KLHL14: variants seen among roughly 807,000 people sequenced by gnomAD.
The protein encoded by KLHL14 is kelch-like protein 14.
A neutral mutation model predicts 64.3 loss-of-function variants in KLHL14; 22 were observed. That is an observed-to-expected ratio of 0.34 (90% CI 0.24 to 0.49). The LOEUF is 0.49. Among genes scored for constraint, KLHL14 ranks in the 20% least tolerant of loss-of-function variants. The pLI is 0.99. For missense variants in KLHL14, 661 were observed against 789.0 expected, an observed-to-expected ratio of 0.84 and a Z score of 1.94; for synonymous variants, 322 against 333.4, an observed-to-expected ratio of 0.97 and a Z score of 0.37.
At position 32,770,075 on chromosome 18, in the gene KLHL14, AG is replaced by A; in HGVS notation, c.516del (p.Cys173AlafsTer89). On this transcript the variant is annotated frameshift_variant, in exon 2 of 9. Transcript: ENST00000359358. LOFTEE classifies it high-confidence loss of function. This position sits in a 1 kb window ranked among gnomAD's most constrained non-coding sequence, Gnocchi z 6.7. ...ATCTGGTCGTTGAGGAACTGCACGC[AG>A]AGCTTGGTGACCTGGGGGATGTGCA... ...KILHIPQVTK[L>X]CVQFLNDQIS... 6 of 1,614,130 alleles carry A rather than the reference AG, an allele frequency of 3.7e-6. No individual in the cohort carries two copies. The highest frequency in any genetic ancestry group is 5.1e-6 in the Non-Finnish European group (6 of 1,180,018).
chr18:32,732,435 C>T (rs1287282908), intron 3 of KLHL14, among the ~76,000 whole-genome samples: 2 of 152,156 alleles, frequency 1.3e-5, no homozygotes, highest in Non-Finnish European at 2.9e-5. Flanking sequence ...CTGTTGTAAA[C>T]ATTAGGGGCT....
chr18:32,695,821 A>T (rs896132314), intron 3 of KLHL14, among the ~76,000 whole-genome samples: 1 of 152,130 alleles, frequency 6.6e-6, no homozygotes, highest in Non-Finnish European at 1.5e-5. Flanking sequence ...ACAACCTGTC[A>T]TGCTGCTTTC....
intron 3 of KLHL14, chr18:32,741,040 G>GA (rs1185509618): frequency 3.3e-5 from 5 of 152,188 alleles, no homozygotes; most frequent in African/African-American, 1.2e-4. Flanking sequence ...CATGCAATAA[G>GA]AAAATCTAAC....
chr18:32,740,181 G>C (rs1170199879), intron 3 of KLHL14, among the ~76,000 whole-genome samples: 1 of 152,120 alleles, frequency 6.6e-6, no homozygotes, highest in Admixed American at 6.6e-5. Context: ...CTTGAAGTAA[G>C]GTGACCATAT....
intron 2 of KLHL14, among the ~76,000 whole-genome samples, chr18:32,755,194 G>A (rs766787481): frequency 8.6e-4 from 130 of 152,012 alleles, no homozygotes; most frequent in Non-Finnish European, 1.5e-3. Context: ...GGAGGGCTCC[G>A]TGGTGTCTAG....
At position 32,719,042 on chromosome 18, in the gene KLHL14, G is replaced by A. The variant is rs564829287; in HGVS notation, c.1069+22886C>T. 5.3e-3 allele frequency among the ~76,000 whole-genome samples: 807 copies of A among 152,208 alleles called. 5 individuals are homozygous for A. The highest frequency in any genetic ancestry group is 0.018 in the African/African-American group (760 of 41,536). ...TGGCTCACCACAACCTCTGCCTCCC[G>A]AGTTCAAGTGATTCTCCTGCCTCAG... On this transcript the variant is annotated intron_variant, in intron 3 of 8. Transcript: ENST00000359358.
intron 2 of KLHL14, among the ~76,000 whole-genome samples, chr18:32,756,204 C>G (rs1221061966): frequency 2.0e-5 from 3 of 152,136 alleles, no homozygotes; most frequent in African/African-American, 4.8e-5. Context: ...GAAGAAACAC[C>G]AGATCTTCCT....
At chr18:32,705,700 G>A (rs1267823466) in intron 3 of KLHL14, among the ~76,000 whole-genome samples, 1 of 152,216 alleles carries the variant, frequency 6.6e-6, no homozygotes, top group Non-Finnish European at 1.5e-5. Flanking sequence ...TCTAGCCTGG[G>A]TGACAGAGCA....
At chr18:32,769,574 C>T in intron 2 of KLHL14, 71 bp downstream of exon 2, 1 of 313,342 alleles carries the variant, frequency 3.2e-6, no homozygotes, top group Non-Finnish European at 6.1e-6. Flanking sequence ...CTCCTCCCTG[C>T]CCCCTCCCCT....
intron 2 of KLHL14, among the ~76,000 whole-genome samples, chr18:32,761,430 C>CA (rs1568085194): frequency 7.3e-6 from 1 of 136,506 alleles, no homozygotes; most frequent in Non-Finnish European, 1.5e-5. Context: ...TGGAAGGTGC[C>CA]AAGCTCTTTT....
intron 3 of KLHL14, among the ~76,000 whole-genome samples, chr18:32,702,806 C>A (rs1346603671): frequency 2.0e-5 from 3 of 152,144 alleles, no homozygotes; most frequent in Non-Finnish European, 2.9e-5. Context: ...AGGTGGCCAG[C>A]ACTTTCTCCC....
intron 3 of KLHL14, among the ~76,000 whole-genome samples, chr18:32,721,933 C>T (rs1483426747): frequency 6.6e-6 from 1 of 152,102 alleles, no homozygotes; most frequent in African/African-American, 2.4e-5. Flanking sequence ...CCAAATCTCA[C>T]CTTAAATTGT....
chr18:32,677,084 AC>A lies in KLHL14; in HGVS notation c.1746+88del. 2.3e-6 allele frequency: 3 copies of A among 1,324,230 alleles called. No homozygotes were observed. The South Asian group carries it at 4.1e-5, about 18-fold the overall frequency. 82.0% of individuals were successfully genotyped at this position (1,324,230 alleles called of 1,614,324 possible). The stretch of plus-strand genomic sequence containing the variant: ...TGTAAGTATGATACTCTTAAAAGGT[AC>A]ATGTGTGGAGGATAACACATTTGGA... On this transcript the variant is annotated intron_variant, in intron 8 of 8. Coordinates refer to ENST00000359358, the MANE Select transcript of KLHL14 (RefSeq NM_020805.3).
At chr18:32,763,189 A>G (rs2050323691) in intron 2 of KLHL14, among the ~76,000 whole-genome samples, 2 of 140,984 alleles carry the variant, frequency 1.4e-5, no homozygotes, top group South Asian at 4.6e-4. Flanking sequence ...GGCTCATTCT[A>G]TTTTTAGTAA....
At chr18:32,715,566 T>C (rs1479180273) in intron 3 of KLHL14, among the ~76,000 whole-genome samples, 1 of 152,156 alleles carries the variant, frequency 6.6e-6, no homozygotes, top group Non-Finnish European at 1.5e-5. Context: ...CTTTTTTATA[T>C]AATAAATTGT....
chr18:32,693,530 A>G (rs1021929985), intron 4 of KLHL14, among the ~76,000 whole-genome samples: 3 of 152,068 alleles, frequency 2.0e-5, no homozygotes, highest in Non-Finnish European at 4.4e-5. Context: ...AATTCTGTGC[A>G]TCCTAGTGGT....
At chr18:32,699,787 A>C (rs1032800422) in intron 3 of KLHL14, among the ~76,000 whole-genome samples, 4 of 152,182 alleles carry the variant, frequency 2.6e-5, no homozygotes, top group African/African-American at 9.6e-5. Context: ...TAAAGCAAGA[A>C]GACATTCCTT....
intron 2 of KLHL14, among the ~76,000 whole-genome samples, chr18:32,767,002 A>G (rs2050349491): frequency 6.6e-6 from 1 of 152,134 alleles, no homozygotes; most frequent in Non-Finnish European, 1.5e-5. Context: ...AGACTGGTCA[A>G]TTTTACATTT....
intron 2 of KLHL14, 36 bp downstream of exon 2, chr18:32,769,609 C>T: frequency 9.7e-7 from 1 of 1,026,870 alleles, no homozygotes; most frequent in Non-Finnish European, 1.4e-6. Context: ...TGGCTCTACC[C>T]CCCCCTCCCC....
Sources: allele counts gnomAD v4.1 joint callset (sites outside exome capture counted in the v4.1 genomes callset), GRCh38; gene constraint gnomAD v4.1.1; non-coding constraint Gnocchi (gnomAD v3.1); transcripts MANE v1.5; gene names NCBI Gene and HGNC (gene_info 2026-07-23, HGNC 2026-07-21).